The following FHIP2A variants were observed in gnomAD, a reference collection of about 807,000 sequenced individuals.
FHIP2A encodes the protein FHF complex subunit HOOK interacting protein 2A, also known as family with sequence similarity 160 member B1.
Under a neutral mutation model 93.5 loss-of-function variants are expected in FHIP2A, and 46 were observed. That is an observed-to-expected ratio of 0.49 (90% confidence interval 0.39 to 0.63). The LOEUF (loss-of-function observed/expected upper bound fraction) is 0.63, where lower values mean the gene tolerates loss of function less well. Among genes scored for constraint, FHIP2A ranks in the 20% least tolerant of loss-of-function variants. The pLI is 0.00. For synonymous variants in FHIP2A, 332 were observed against 326.5 expected (o/e 1.02, Z -0.18); for missense variants, 769 against 909.7 (o/e 0.85, Z 1.99).
downstream of FHIP2A, among the ~76,000 whole-genome samples, chr10:114,868,640 A>G (rs2083842572): frequency 6.6e-6 from 1 of 152,186 alleles, no homozygotes; most frequent in African/African-American, 2.4e-5. Flanking sequence ...ACATGAAGGT[A>G]AAACCCCTAG....
At chr10:114,857,215 G>A (rs1423355435) in intron 14 of FHIP2A, among the ~76,000 whole-genome samples, 1 of 151,686 alleles carries the variant, frequency 6.6e-6, no homozygotes, top group African/African-American at 2.4e-5. Context: ...AGAAAGCTAA[G>A]CATTTTTGGC....
chr10:114,867,448 T>G (rs2083835228), downstream of FHIP2A, among the ~76,000 whole-genome samples: 1 of 152,158 alleles, frequency 6.6e-6, no homozygotes, highest in Non-Finnish European at 1.5e-5. Context: ...CATAGTCAAC[T>G]GAAATACTAA....
At chr10:114,828,831 T>G (rs982918535) in intron 1 of FHIP2A, among the ~76,000 whole-genome samples, 1 of 152,190 alleles carries the variant, frequency 6.6e-6, no homozygotes, top group African/African-American at 2.4e-5. Flanking sequence ...AAGGTGAATA[T>G]TTTATTCTCT....
chr10:114,857,886 C>G (rs2083776391), intron 14 of FHIP2A, among the ~76,000 whole-genome samples: 1 of 152,062 alleles, frequency 6.6e-6, no homozygotes, highest in African/African-American at 2.4e-5. Flanking sequence ...TAGTAAAATA[C>G]TAAAGCCCAT....
intron 6 of FHIP2A, 107 bp downstream of exon 6, chr10:114,843,333 T>A (rs1338808677): frequency 4.0e-4 from 242 of 602,104 alleles, no homozygotes; most frequent in Non-Finnish European, 5.1e-4. Context: ...TGAGATGGAG[T>A]CTTGCTGTGT....
At chr10:114,880,109 C>T (rs538436639) in intron 16 of FHIP2A, among the ~76,000 whole-genome samples, 8 of 152,262 alleles carry the variant, frequency 5.3e-5, no homozygotes, top group East Asian at 1.9e-4. Context: ...CTTCACTATA[C>T]GATCACACAG....
intron 16 of FHIP2A, among the ~76,000 whole-genome samples, chr10:114,884,539 C>A (rs2083932077): frequency 6.6e-6 from 1 of 152,210 alleles, no homozygotes; most frequent in Non-Finnish European, 1.5e-5. Context: ...CTGTGCCAGA[C>A]ACTCACTAAG....
intron 16 of FHIP2A, among the ~76,000 whole-genome samples, chr10:114,892,409 G>A (rs945927942): frequency 1.3e-5 from 2 of 152,150 alleles, no homozygotes; most frequent in Non-Finnish European, 2.9e-5. Context: ...TGTTCGAGGT[G>A]GGTGGATCAC....
exon 17 of FHIP2A, chr10:114,899,639 C>T (rs557477497): frequency 1.5e-6 from 1 of 647,216 alleles, no homozygotes; most frequent in Non-Finnish European, 2.8e-6. Flanking sequence ...CTGGTGGCCC[C>T]AGGCTGATTG....
chr10:114,875,193 G>A (rs917735268), intron 16 of FHIP2A, among the ~76,000 whole-genome samples: 1 of 152,048 alleles, frequency 6.6e-6, no homozygotes, highest in Non-Finnish European at 1.5e-5. Context: ...GCTGCAGAAG[G>A]ACTGCTGTGC....
rs775942395 is a variant in FHIP2A, at chr10:114,843,039, C to T, written c.629C>T (p.Pro210Leu). 5.6e-6 allele frequency: 9 copies of T among 1,614,036 alleles called. No homozygotes were observed. In the East Asian group the frequency reaches 1.8e-4, roughly 32 times the overall value. ...ACAGATACAGGACAGTCCCGTCAAC[C>T]AGAGGAACTATCTGGTGCTACTGGA... ...LSTDTGQSRQPEELSGATGME... is the reference protein window; with the variant it reads ...LSTDTGQSRQLEELSGATGME... Residue 210 changes from proline to leucine, a missense_variant, in exon 6 of 17, where the codon CCA becomes CTA. Transcript: ENST00000369248.
At chr10:114,879,334 A>G (rs535035680) in intron 16 of FHIP2A, among the ~76,000 whole-genome samples, 100 of 152,260 alleles carry the variant, frequency 6.6e-4, no homozygotes, top group Non-Finnish European at 1.3e-3. Context: ...TTTAATCCCT[A>G]TTTTACCTCC....
chr10:114,843,277 T>A, intron 6 of FHIP2A, 51 bp downstream of exon 6: 1 of 1,092,604 alleles, frequency 9.2e-7, no homozygotes, highest in Non-Finnish European at 1.2e-6. Flanking sequence ...CAATAATGTG[T>A]ATTTATTTAT....
chr10:114,840,035 T>TA (rs1381735885), intron 5 of FHIP2A, among the ~76,000 whole-genome samples: 1 of 152,110 alleles, frequency 6.6e-6, no homozygotes, highest in East Asian at 1.9e-4. Context: ...CTTAAGTACT[T>TA]ACAGGATGGA....
intron 16 of FHIP2A, among the ~76,000 whole-genome samples, chr10:114,886,237 AC>A (rs2083942010): frequency 6.6e-6 from 1 of 152,234 alleles, no homozygotes. Context: ...AGATGAGGAA[AC>A]TAAAACACCA....
At chr10:114,896,932 T>C (rs1347989208) in intron 16 of FHIP2A, among the ~76,000 whole-genome samples, 5 of 152,220 alleles carry the variant, frequency 3.3e-5, no homozygotes, top group African/African-American at 7.2e-5. Context: ...AGGTTCCTCT[T>C]CAAAGAGACT....
intron 16 of FHIP2A, among the ~76,000 whole-genome samples, chr10:114,873,813 C>T (rs2083870678): frequency 6.6e-6 from 1 of 151,976 alleles, no homozygotes; most frequent in South Asian, 2.1e-4. Context: ...TTTTTTAGTA[C>T]TTCCTTACTT....
intron 16 of FHIP2A, among the ~76,000 whole-genome samples, chr10:114,875,837 GAGAAAGAAAGAAAGAAAA>G (rs1368970769): frequency 8.6e-6 from 1 of 115,698 alleles, no homozygotes; most frequent in African/African-American, 3.3e-5. Context: ...GAAGGTAAGA[GAGAAAGAAAGAAAGAAAA>G]AGAAAGAAAG....
chr10:114,851,774 A>G (rs1020964800), intron 13 of FHIP2A, among the ~76,000 whole-genome samples: 1 of 147,404 alleles, frequency 6.8e-6, no homozygotes, highest in Non-Finnish European at 1.5e-5. Context: ...TTGAATTTGT[A>G]GATTGATTGG....
Sources: gnomAD v4.1 joint callset for allele counts (sites outside exome capture counted in the v4.1 genomes callset) on GRCh38, gnomAD v4.1.1 for gene constraint, MANE v1.5 for transcripts, NCBI Gene and HGNC (gene_info 2026-07-23, HGNC 2026-07-21) for gene names.